Variants in LYST observed in about 807,000 individuals in gnomAD.
LYST encodes the protein lysosomal-trafficking regulator.
In LYST, 192 loss-of-function variants were observed where a neutral mutation model predicts 413.6. The ratio of observed to expected loss-of-function variants is 0.46; its 90% CI spans 0.41 to 0.52. LYST has a LOEUF of 0.52. Among genes scored for constraint, LYST ranks in the 20% least tolerant of loss-of-function variants. The pLI, the probability that LYST is intolerant of heterozygous loss-of-function variation, is 0.00. For missense variants in LYST, 3,815 were observed against 4,499.9 expected (o/e 0.85, Z 4.35); for synonymous variants, 1,525 against 1,567.3 (o/e 0.97, Z 0.64).
At chr1:235,676,370 T>A (rs1484641405) in intron 50 of LYST, among the ~76,000 whole-genome samples, 1 of 151,114 alleles carries the variant, frequency 6.6e-6, no homozygotes, top group Non-Finnish European at 1.5e-5. Flanking sequence ...AAGAATGGAG[T>A]AGTCACTTGT....
chr1:235,731,325 C>T (rs908213550), intron 34 of LYST, 148 bp from the exon 35 acceptor site: 2 of 721,776 alleles, frequency 2.8e-6, no homozygotes, highest in African/African-American at 1.8e-5. Flanking sequence ...TCAGGGAATG[C>T]ATATACAAGT....
At chr1:235,788,677 T>A (rs754434491) in intron 13 of LYST, 24 bp downstream of exon 13, 1 of 1,609,328 alleles carries the variant, frequency 6.2e-7, no homozygotes. Context: ...TATCTATTCA[T>A]GGGAGGCTGA....
At chr1:235,821,235 G>A (rs979930019) in intron 3 of LYST, among the ~76,000 whole-genome samples, 1 of 152,174 alleles carries the variant, frequency 6.6e-6, no homozygotes, top group African/African-American at 2.4e-5. Context: ...TCAGGAGCTT[G>A]AAAACAGTCT....
intron 46 of LYST, among the ~76,000 whole-genome samples, chr1:235,695,752 C>G (rs1661054586): frequency 6.6e-6 from 1 of 151,326 alleles, no homozygotes; most frequent in Non-Finnish European, 1.5e-5. Context: ...CCTGCCTCAG[C>G]CTCCCGAGTA....
chr1:235,853,523 G>A (rs995610430), intron 1 of LYST, among the ~76,000 whole-genome samples: 1 of 151,968 alleles, frequency 6.6e-6, no homozygotes, highest in African/African-American at 2.4e-5. Flanking sequence ...ACAGCAGTAA[G>A]GCAGTAGTTC....
chr1:235,857,740 AAT>A (rs1679358918), intron 1 of LYST, among the ~76,000 whole-genome samples: 1 of 86,824 alleles, frequency 1.2e-5, no homozygotes, highest in African/African-American at 4.4e-5. Flanking sequence ...AACATATGTA[AAT>A]ACACACACAC....
chr1:235,849,694 C>T (rs972536764), intron 1 of LYST, among the ~76,000 whole-genome samples: 7 of 148,748 alleles, frequency 4.7e-5, no homozygotes, highest in South Asian at 2.1e-4. Context: ...TTAATGTACA[C>T]GAATCAGTAG....
chr1:235,689,861 G>A (rs903263368), intron 47 of LYST, among the ~76,000 whole-genome samples: 20 of 152,044 alleles, frequency 1.3e-4, no homozygotes, highest in Non-Finnish European at 4.4e-5. Flanking sequence ...TTCAAGCTTT[G>A]GATCTGCTAA....
At chr1:235,687,808 C>T (rs567279240) in intron 47 of LYST, among the ~76,000 whole-genome samples, 60 of 152,312 alleles carry the variant, frequency 3.9e-4, no homozygotes, top group Middle Eastern at 6.8e-3. Flanking sequence ...GTTTCCCTGT[C>T]TTCTGATTCA....
chr1:235,806,560 T>A lies in LYST; in HGVS notation c.2576A>T (p.His859Leu), dbSNP rs779689657. The change falls in exon 6 of 53, where the codon CAT (histidine) becomes CTT (leucine). Residue 859 changes from histidine (H) to leucine (L), a missense_variant. Physicochemically the swap from His to Leu is moderately conservative, Grantham distance 99. Coordinates refer to ENST00000389793, the MANE Select transcript of LYST (RefSeq NM_000081.4). ...LSSVHVGTSF[H>L]HQQAYSDSPQ... ...AGAATCTGAATAAGCTTGCTGATGA[T>A]GAAAAGAAGTACCCACATGTACAGA... The A allele has an allele frequency of 6.2e-7, 1 of 1,614,114 alleles. No individual in the cohort carries two copies. The highest frequency in any genetic ancestry group is 8.5e-7 in the Non-Finnish European group (1 of 1,179,972).
At chr1:235,859,258 A>G (rs766003402) in intron 1 of LYST, among the ~76,000 whole-genome samples, 8 of 151,944 alleles carry the variant, frequency 5.3e-5, no homozygotes, top group Non-Finnish European at 7.4e-5. Flanking sequence ...CATTTGATCA[A>G]TTATCTTCTA....
intron 3 of LYST, among the ~76,000 whole-genome samples, chr1:235,817,250 A>C (rs1404880786): frequency 3.9e-5 from 6 of 152,200 alleles, no homozygotes; most frequent in Admixed American, 3.9e-4. Context: ...TGTGGAGAAA[A>C]GAGAACACTT....
Position 235,770,299 on chromosome 1 carries a change from T to G in LYST, c.5785-2A>C, listed in dbSNP as rs1480714037. On this transcript the variant is annotated splice_acceptor_variant, in intron 19 of 52. Transcript: ENST00000389793. LOFTEE classifies it high-confidence loss of function. ...TAGCAAAGTTTCCCAAACACCTTGC[T>G]GAAGAGATAAACACACACCAATAAG... is the stretch of plus-strand genomic sequence containing the variant. 1 of 1,613,726 alleles carries G rather than the reference T, an allele frequency of 6.2e-7. No homozygotes were observed. The highest frequency in any genetic ancestry group is 8.5e-7 in the Non-Finnish European group (1 of 1,179,726).
intron 38 of LYST, among the ~76,000 whole-genome samples, chr1:235,724,387 G>C (rs1663660207): frequency 6.6e-6 from 1 of 152,068 alleles, no homozygotes; most frequent in Non-Finnish European, 1.5e-5. Flanking sequence ...TTATTTTTTA[G>C]ACTAGTTTTA....
intron 41 of LYST, 90 bp downstream of exon 41, chr1:235,716,622 T>C (rs916472188): frequency 1.3e-5 from 10 of 790,324 alleles, no homozygotes; most frequent in African/African-American, 3.5e-5. Context: ...AAAAAATCCA[T>C]AGTATAAATT....
chr1:235,684,225 G>T (rs1408273990), intron 48 of LYST, among the ~76,000 whole-genome samples: 1 of 152,112 alleles, frequency 6.6e-6, no homozygotes, highest in African/African-American at 2.4e-5. Context: ...TATAGTGACA[G>T]CTTAACCTTT....
chr1:235,860,590 T>G (rs1679749708), intron 1 of LYST, among the ~76,000 whole-genome samples: 1 of 152,228 alleles, frequency 6.6e-6, no homozygotes, highest in Non-Finnish European at 1.5e-5. Flanking sequence ...TCATAAAGTA[T>G]GCAGACTTTT....
chr1:235,693,730 A>C (rs1450052934), intron 46 of LYST, among the ~76,000 whole-genome samples: 1 of 152,220 alleles, frequency 6.6e-6, no homozygotes, highest in Non-Finnish European at 1.5e-5. Context: ...TTTGACTCAG[A>C]ACTAAAATTT....
At position 235,830,098 on chromosome 1, in the gene LYST, T is replaced by C. The variant is rs1021588704; in HGVS notation, c.192+128A>G. ...GTTATAAATAGGTCCACTTTTTTTT[T>C]AGTGGAATAATGTGAAAGACTGGAC... is the stretch of plus-strand genomic sequence containing the variant. On this transcript the variant is annotated intron_variant, in intron 3 of 52. Coordinates refer to ENST00000389793, the MANE Select transcript of LYST (RefSeq NM_000081.4). 1.2e-5 allele frequency: 8 copies of C among 680,392 alleles called. No individual in the cohort carries two copies. In the Admixed American group the frequency reaches 1.3e-4, roughly 11 times the overall value. 42.1% of individuals were successfully genotyped at this position (680,392 alleles called of 1,614,324 possible). A position where few individuals can be genotyped will look rare whatever the true frequency, so the allele number is the denominator to read the frequency against.
Sources: gnomAD v4.1 joint callset for allele counts (sites outside exome capture counted in the v4.1 genomes callset) on GRCh38, gnomAD v4.1.1 for gene constraint, MANE v1.5 for transcripts, NCBI Gene and HGNC (gene_info 2026-07-23, HGNC 2026-07-21) for gene names.